The following PCDHGA8 variants were observed in gnomAD, a reference collection of about 807,000 sequenced individuals.
The protein encoded by PCDHGA8 is protocadherin gamma subfamily A, 8.
In PCDHGA8, 45 loss-of-function variants were observed where a neutral mutation model predicts 59.2. The ratio of observed to expected loss-of-function variants is 0.76; its 90% confidence interval spans 0.60 to 0.98. The LOEUF (loss-of-function observed/expected upper bound fraction) is 0.98. Among genes scored for constraint, PCDHGA8 ranks in the 50% least tolerant of loss-of-function variants. The pLI, the probability that PCDHGA8 is intolerant of heterozygous loss-of-function variation, is 0.00. For missense variants in PCDHGA8, 1,257 were observed against 1,196.2 expected (o/e 1.05, Z -0.75); for synonymous variants, 531 against 519.0 (o/e 1.02, Z -0.32).
At position 141,432,207 on chromosome 5, in the gene PCDHGA8, A is replaced by G. The variant is rs1181424938; in HGVS notation, c.2424+36970A>G. 3 of 1,614,176 alleles carry G rather than the reference A, an allele frequency of 1.9e-6. No homozygotes were observed. The highest frequency in any genetic ancestry group is 2.5e-6 in the Non-Finnish European group (3 of 1,180,026). ...ACCGCCCACGACCCCGACTGTGAAG[A>G]GAACGCCCAGATCACTTATTCCCTG... On this transcript the variant is annotated intron_variant, in intron 1 of 3. Transcript: ENST00000398604. The surrounding 1 kb of genome is among the most constrained non-coding windows in gnomAD (Gnocchi z 6.0).
At chr5:141,427,529 G>A (rs1464520351) in intron 1 of PCDHGA8, 1 of 619,898 alleles carries the variant, frequency 1.6e-6, no homozygotes, top group African/African-American at 1.8e-5. Context: ...GGATCCCGGA[G>A]TACAACGTCA....
At chr5:141,437,205 A>G (rs1561884114) in intron 1 of PCDHGA8, among the ~76,000 whole-genome samples, 1 of 152,202 alleles carries the variant, frequency 6.6e-6, no homozygotes, top group African/African-American at 2.4e-5. Context: ...ATGTGTTTAC[A>G]TTTATTCTGA....
intron 1 of PCDHGA8, among the ~76,000 whole-genome samples, chr5:141,467,486 T>A (rs985186472): frequency 6.6e-6 from 1 of 152,242 alleles, no homozygotes; most frequent in Non-Finnish European, 1.5e-5. Flanking sequence ...GGTTTCCACA[T>A]TTAGATCCCT....
In PCDHGA8 at chr5:141,454,796, A is replaced by ATTTT. The variant is rs61612330; in HGVS notation, c.2425-39985_2425-39982dup. Among the ~76,000 whole-genome samples, 123 of 77,452 alleles carry ATTTT rather than the reference A, an allele frequency of 1.6e-3. 16 individuals are homozygous for ATTTT. The highest frequency in any genetic ancestry group is 7.2e-3 in the South Asian group (14 of 1,958). 50.8% of individuals were successfully genotyped at this position (77,452 alleles called of 152,430 possible). On this transcript the variant is annotated intron_variant, in intron 1 of 3. Coordinates refer to ENST00000398604, the MANE Select transcript of PCDHGA8 (RefSeq NM_032088.2). ...AAGGAAATAATCCTCCATGGTTCTAATTTTTTTTTTTTTTTTTTTTTTTTT... is the reference window on the plus strand; with the variant it reads ...AAGGAAATAATCCTCCATGGTTCTAATTTTTTTTTTTTTTTTTTTTTTTTTTTTT...
chr5:141,469,103 C>A (rs949254605), intron 1 of PCDHGA8, among the ~76,000 whole-genome samples: 2 of 151,844 alleles, frequency 1.3e-5, no homozygotes, highest in African/African-American at 2.4e-5. Context: ...AAAGCAAGAA[C>A]CTGTCTCTAA....
rs758993148 is a variant in PCDHGA8 at position 141,430,863 on chromosome 5, T to C, written c.2424+35626T>C. On this transcript the variant is annotated intron_variant, in intron 1 of 3. Transcript: ENST00000398604. Reference sequence around the variant, plus strand: ...GGATGCACCCAGATACGCTATTCAGTTCCGGAAGAGCTGGAGAAAGGCTCT... The same window carrying C: ...GGATGCACCCAGATACGCTATTCAGCTCCGGAAGAGCTGGAGAAAGGCTCT... 8 of 1,594,990 alleles carry C rather than the reference T, an allele frequency of 5.0e-6. No individual in the cohort carries two copies. In the South Asian group the frequency reaches 8.0e-5, roughly 16 times the overall value.
At position 141,485,321 on chromosome 5, in the gene PCDHGA8, C is replaced by G. The variant is rs780179631; in HGVS notation, c.2425-9486C>G. The G allele has an allele frequency of 6.2e-7, 1 of 1,614,154 alleles. No homozygotes were observed. Among genetic ancestry groups the G allele is most frequent in the Non-Finnish European group, 8.5e-7 (1 of 1,180,024 alleles). On this transcript the variant is annotated intron_variant, in intron 1 of 3. Transcript: ENST00000398604. This position sits in a 1 kb window ranked among gnomAD's most constrained non-coding sequence, Gnocchi z 5.7. The stretch of plus-strand genomic sequence containing the variant: ...AGGGACTTTTGTAGGGAATGTCGCT[C>G]AAGATTTCCTGCTGGATACGGACAG...
rs751320023 is a variant in PCDHGA8 at position 141,431,263 on chromosome 5, G to T, written c.2424+36026G>T. 6 of 1,614,060 alleles carry T rather than the reference G, an allele frequency of 3.7e-6. No homozygotes were observed. In the East Asian group the frequency reaches 1.3e-4, roughly 36 times the overall value. ...CGGATATCGGGAAGAACTCTCTGCA[G>T]AGCTACGAGCTCAGCCCGAACACTC... On this transcript the variant is annotated intron_variant, in intron 1 of 3. Transcript: ENST00000398604. The surrounding 1 kb of genome is among the most constrained non-coding windows in gnomAD (Gnocchi z 4.8).
chr5:141,396,274 C>G (rs2093362401), intron 1 of PCDHGA8: 2 of 152,252 alleles, frequency 1.3e-5, no homozygotes, highest in African/African-American at 2.4e-5. Flanking sequence ...GAGCTATGAT[C>G]ATGCCACTGC....
At chr5:141,409,461 T>C in intron 1 of PCDHGA8, 1 of 1,613,928 alleles carries the variant, frequency 6.2e-7, no homozygotes, top group Non-Finnish European at 8.5e-7. Flanking sequence ...GAATACAATG[T>C]CACCATCGTA....
At chr5:141,395,340 G>A in intron 1 of PCDHGA8, 103 bp downstream of exon 1, 2 of 1,419,480 alleles carry the variant, frequency 1.4e-6, no homozygotes, top group Non-Finnish European at 1.9e-6. Context: ...TAATTTTTAA[G>A]GTGTATCACA....
chr5:141,446,482 CTT>C (rs112180482), intron 1 of PCDHGA8, among the ~76,000 whole-genome samples: 6 of 147,048 alleles, frequency 4.1e-5, no homozygotes, highest in East Asian at 4.0e-4. Context: ...GGTCATCATT[CTT>C]TTTTTTTTTT....
At chr5:141,449,948 C>T (rs1294423807) in intron 1 of PCDHGA8, among the ~76,000 whole-genome samples, 1 of 151,034 alleles carries the variant, frequency 6.6e-6, no homozygotes, top group Non-Finnish European at 1.5e-5. Context: ...TTTTACTATA[C>T]CTCATAGTAA....
rs761347005 is a variant in PCDHGA8, at chr5:141,417,873, G to A, written c.2424+22636G>A. On this transcript the variant is annotated intron_variant, in intron 1 of 3. Coordinates refer to ENST00000398604, the MANE Select transcript of PCDHGA8 (RefSeq NM_032088.2). The stretch of plus-strand genomic sequence containing the variant: ...CCCGAGCGAACGATGGGAGGGAGCT[G>A]CGCGCAGAGGCGCCGGGCCGGCCCG... 4.2e-5 allele frequency: 65 copies of A among 1,555,230 alleles called. 2 individuals are homozygous for A. The Middle Eastern group carries it at 6.4e-3, about 152-fold the overall frequency.
At chr5:141,399,760 C>T in intron 1 of PCDHGA8, 3 of 1,613,342 alleles carry the variant, frequency 1.9e-6, no homozygotes, top group Non-Finnish European at 2.5e-6. Flanking sequence ...CGTGAGCCTG[C>T]GCGTGTTGGT....
In PCDHGA8 at chr5:141,427,737, G is replaced by C. The variant is rs1460682938; in HGVS notation, c.2424+32500G>C. 2.5e-6 allele frequency: 3 copies of C among 1,223,986 alleles called. No homozygotes were observed. The African/African-American group carries it at 4.4e-5, about 18-fold the overall frequency. 75.8% of individuals were successfully genotyped at this position (1,223,986 alleles called of 1,614,324 possible). A position where few individuals can be genotyped will look rare whatever the true frequency, so the allele number is the denominator to read the frequency against. On this transcript the variant is annotated intron_variant, in intron 1 of 3. Coordinates refer to ENST00000398604, the MANE Select transcript of PCDHGA8 (RefSeq NM_032088.2). The stretch of plus-strand genomic sequence containing the variant: ...CCTGGACCTAGGGCTGAATGGCCAA[G>C]TCTCCTACTCCATCGTTACCACTGA...
Position 141,432,548 on chromosome 5 carries a change from G to T in PCDHGA8, c.2424+37311G>T, listed in dbSNP as rs1251651638. On this transcript the variant is annotated intron_variant, in intron 1 of 3. Coordinates refer to ENST00000398604, the MANE Select transcript of PCDHGA8 (RefSeq NM_032088.2). The surrounding 1 kb of genome is among the most constrained non-coding windows in gnomAD (Gnocchi z 6.0). ...GACCAAGGTGGTGGCGGTGGACAGA[G>T]ACTCCGGCCAGAACGCCTGGCTGTC... 1.9e-6 allele frequency: 3 copies of T among 1,613,998 alleles called. No homozygotes were observed. The South Asian group carries it at 3.3e-5, about 18-fold the overall frequency.
chr5:141,509,255 T>A (rs1434555633), intron 3 of PCDHGA8, among the ~76,000 whole-genome samples: 1 of 152,158 alleles, frequency 6.6e-6, no homozygotes, highest in African/African-American at 2.4e-5. Flanking sequence ...CCTCTCCGGC[T>A]TTAGTCACTC....
In PCDHGA8 at chr5:141,510,929, C is replaced by T. The variant is rs1238694958; in HGVS notation, c.2573-18C>T. The T allele has an allele frequency of 3.1e-6, 5 of 1,613,988 alleles. No homozygotes were observed. The highest frequency in any genetic ancestry group is 4.2e-6 in the Non-Finnish European group (5 of 1,179,988). On this transcript the variant is annotated intron_variant, in intron 3 of 3. Coordinates refer to ENST00000398604, the MANE Select transcript of PCDHGA8 (RefSeq NM_032088.2). ...ACCCTAAGTTTAGCTCCCACCTGAT[C>T]TTCCTCTGTCTCTGCAGAAGCTGCT...
Sources: gnomAD v4.1 joint callset for allele counts (sites outside exome capture counted in the v4.1 genomes callset) on GRCh38, gnomAD v4.1.1 for gene constraint, Gnocchi (gnomAD v3.1) non-coding constraint, MANE v1.5 for transcripts, NCBI Gene and HGNC (gene_info 2026-07-23, HGNC 2026-07-21) for gene names.